Variants in ELAVL4 observed in about 807,000 individuals in gnomAD.
The protein encoded by ELAVL4 is ELAV-like protein 4.
Under a neutral mutation model 35.6 loss-of-function variants are expected in ELAVL4, and 1 was observed. The observed-to-expected ratio is 0.03, with a 90% CI of 0.01 to 0.13. ELAVL4 has a LOEUF of 0.13. Among genes scored for constraint, ELAVL4 ranks in the 10% least tolerant of loss-of-function variants. ELAVL4 has a pLI of 1.00. For synonymous variants in ELAVL4, 156 were observed against 171.0 expected (o/e 0.91, Z 0.69); for missense variants, 267 against 464.9 (o/e 0.57, Z 3.91).
intron 1 of ELAVL4, among the ~76,000 whole-genome samples, chr1:50,070,244 T>C (rs1275252973): frequency 6.6e-6 from 1 of 152,156 alleles, no homozygotes; most frequent in African/African-American, 2.4e-5. Context: ...GGAAATAGAA[T>C]AAAACTTCAA....
intron 2 of ELAVL4, among the ~76,000 whole-genome samples, chr1:50,156,031 G>GCACACACACA (rs151228970): frequency 1.1e-4 from 16 of 149,322 alleles, no homozygotes; most frequent in Non-Finnish European, 2.4e-4. Context: ...GCACAGGCAC[G>GCACACACACA]CACACACACA....
chr1:50,195,079 AT>A (rs1257197426), intron 4 of ELAVL4, among the ~76,000 whole-genome samples: 3 of 151,020 alleles, frequency 2.0e-5, no homozygotes, highest in African/African-American at 7.3e-5. Flanking sequence ...TTTGTTATTC[AT>A]TTTAGAATGG....
upstream of ELAVL4, among the ~76,000 whole-genome samples, chr1:50,104,788 G>T (rs923299893): frequency 5.9e-5 from 9 of 152,264 alleles, no homozygotes; most frequent in South Asian, 1.9e-3. Context: ...ATTTATTTTT[G>T]TTCAGGTGGT....
intron 6 of ELAVL4, 24 bp from the exon 7 acceptor site, chr1:50,200,826 TC>T: frequency 6.2e-7 from 1 of 1,605,222 alleles, no homozygotes; most frequent in Non-Finnish European, 8.5e-7. Context: ...TCTGGACCAG[TC>T]CCCCCTTCTG....
chr1:50,186,101 C>T (rs947202951), intron 3 of ELAVL4, among the ~76,000 whole-genome samples: 9 of 152,076 alleles, frequency 5.9e-5, no homozygotes, highest in African/African-American at 1.9e-4. Context: ...ATGAATCTAT[C>T]GTCACATCTT....
chr1:50,094,057 T>C (rs1665610552), intron 1 of ELAVL4, among the ~76,000 whole-genome samples: 1 of 152,200 alleles, frequency 6.6e-6, no homozygotes, highest in Non-Finnish European at 1.5e-5. Context: ...TAGATAGCAG[T>C]ATTGTCTGAA....
intron 1 of ELAVL4, among the ~76,000 whole-genome samples, chr1:50,050,181 A>G (rs1444794521): frequency 6.6e-6 from 1 of 152,262 alleles, no homozygotes; most frequent in African/African-American, 2.4e-5. Flanking sequence ...TAAAGTTGAC[A>G]TGAGAATTAA....
chr1:50,064,779 A>G (rs770987715), intron 1 of ELAVL4, among the ~76,000 whole-genome samples: 10 of 152,238 alleles, frequency 6.6e-5, no homozygotes, highest in Non-Finnish European at 1.0e-4. Context: ...GAACTCTGGA[A>G]TCTGACTGTT....
chr1:50,077,196 G>A (rs977525436), intron 1 of ELAVL4, among the ~76,000 whole-genome samples: 8 of 152,160 alleles, frequency 5.3e-5, no homozygotes, highest in African/African-American at 1.9e-4. Context: ...TATGTATTAG[G>A]TGTAGGGGAG....
chr1:50,133,965 C>G (rs1671471607), intron 1 of ELAVL4, among the ~76,000 whole-genome samples: 1 of 152,110 alleles, frequency 6.6e-6, no homozygotes, highest in Non-Finnish European at 1.5e-5. Context: ...TTAAAAAGAA[C>G]AAGACTTCTA....
At chr1:50,159,697 G>A (rs1023854498) in intron 2 of ELAVL4, among the ~76,000 whole-genome samples, 10 of 152,116 alleles carry the variant, frequency 6.6e-5, no homozygotes, top group African/African-American at 2.4e-4. Flanking sequence ...GCATAATATG[G>A]AGCATTACCC....
intron 1 of ELAVL4, among the ~76,000 whole-genome samples, chr1:50,077,866 C>T (rs369772266): frequency 1.6e-4 from 25 of 152,090 alleles, no homozygotes; most frequent in East Asian, 5.8e-4. Context: ...TCTGTTTACC[C>T]GTTAGAGAGT....
chr1:50,103,491 A>G (rs1666096454), upstream of ELAVL4, among the ~76,000 whole-genome samples: 1 of 152,194 alleles, frequency 6.6e-6, no homozygotes, highest in Non-Finnish European at 1.5e-5. Flanking sequence ...TAAGCTTTAA[A>G]TTTTCTCAAA....
intron 1 of ELAVL4, among the ~76,000 whole-genome samples, chr1:50,132,061 G>GT (rs980590892): frequency 6.6e-6 from 1 of 152,082 alleles, no homozygotes; most frequent in African/African-American, 2.4e-5. Flanking sequence ...CAGAGCAGAC[G>GT]TAAGTATTCC....
intron 2 of ELAVL4, among the ~76,000 whole-genome samples, chr1:50,146,838 T>C (rs1673812760): frequency 6.6e-6 from 1 of 152,152 alleles, no homozygotes; most frequent in South Asian, 2.1e-4. Flanking sequence ...TAGTGAATAT[T>C]ATTAATCACC....
intron 3 of ELAVL4, among the ~76,000 whole-genome samples, chr1:50,183,942 G>C (rs1271790585): frequency 6.6e-6 from 1 of 152,116 alleles, no homozygotes; most frequent in South Asian, 2.1e-4. Context: ...ATTACCGCTA[G>C]TCACAACCTG....
At chr1:50,144,725 A>G (rs371652281) in intron 1 of ELAVL4, 1 of 718,230 alleles carries the variant, frequency 1.4e-6, no homozygotes. Flanking sequence ...GAGAGTTCCT[A>G]CTGCATTCTA....
intron 1 of ELAVL4, among the ~76,000 whole-genome samples, chr1:50,072,632 T>C (rs983242493): frequency 6.6e-6 from 1 of 152,192 alleles, no homozygotes; most frequent in Admixed American, 6.5e-5. Flanking sequence ...TTTCCTGATG[T>C]ACCTTGAAGG....
intron 1 of ELAVL4, among the ~76,000 whole-genome samples, chr1:50,058,481 C>T (rs1056510444): frequency 2.6e-5 from 4 of 151,492 alleles, no homozygotes; most frequent in African/African-American, 9.7e-5. Flanking sequence ...TACACTTATC[C>T]ACATGGAAAG....
Sources: allele counts gnomAD v4.1 joint callset (sites outside exome capture counted in the v4.1 genomes callset), GRCh38; gene constraint gnomAD v4.1.1; transcripts MANE v1.5; gene names NCBI Gene and HGNC (gene_info 2026-07-23, HGNC 2026-07-21).